Variants in CATSPERB observed in about 807,000 individuals in gnomAD.
CATSPERB encodes the protein catsper channel auxiliary subunit beta.
A neutral mutation model predicts 128.3 loss-of-function variants in CATSPERB; 93 were observed. That is an observed-to-expected ratio of 0.72 (90% confidence interval 0.61 to 0.86). CATSPERB has a LOEUF of 0.86. Ranked by LOEUF, CATSPERB falls within the 40% of genes least tolerant of loss-of-function variation. The pLI, the probability that CATSPERB is intolerant of heterozygous loss-of-function variation, is 0.00. For missense variants in CATSPERB, 1,153 were observed against 1,329.5 expected (o/e 0.87, Z 2.06); for synonymous variants, 381 against 448.8 (o/e 0.85, Z 1.91).
intron 17 of CATSPERB, among the ~76,000 whole-genome samples, chr14:91,629,743 G>A (rs1427484959): frequency 1.3e-5 from 2 of 152,108 alleles, no homozygotes; most frequent in African/African-American, 2.4e-5. Context: ...AATGGCCAAT[G>A]GTCAGGCAGC....
intron 22 of CATSPERB, among the ~76,000 whole-genome samples, chr14:91,596,396 G>A (rs995029999): frequency 1.3e-5 from 2 of 151,868 alleles, no homozygotes; most frequent in Non-Finnish European, 2.9e-5. Context: ...GTAGAGATGG[G>A]GTTTCACCTT....
intron 6 of CATSPERB, among the ~76,000 whole-genome samples, chr14:91,707,625 G>A (rs1895756549): frequency 7.8e-6 from 1 of 128,158 alleles, no homozygotes; most frequent in African/African-American, 3.1e-5. Context: ...TTGAGACACA[G>A]TCTCACTCTG....
intron 9 of CATSPERB, 72 bp downstream of exon 9, chr14:91,693,054 G>A: frequency 9.6e-7 from 1 of 1,046,158 alleles, no homozygotes; most frequent in Non-Finnish European, 1.5e-6. Flanking sequence ...CATAACTCAA[G>A]TATTAAATAT....
chr14:91,588,588 A>G (rs1228077786), intron 24 of CATSPERB, among the ~76,000 whole-genome samples: 1 of 152,208 alleles, frequency 6.6e-6, no homozygotes, highest in African/African-American at 2.4e-5. Context: ...CTAGATAGCT[A>G]GTGTAGGGGT....
In CATSPERB at chr14:91,729,463, A is replaced by G. The variant is rs372840508; in HGVS notation, c.17T>C (p.Ile6Thr). The change falls in exon 2 of 27, where the codon ATA becomes ACA. Residue 6 changes from isoleucine (I) to threonine (T), a missense_variant. Ile to Thr is a moderately conservative substitution (Grantham distance 89). Coordinates refer to ENST00000256343, the MANE Select transcript of CATSPERB (RefSeq NM_024764.4). MESPL[I>T]YVSVLLLNIF... ...GTTCAAAAGCAAAACTGAAACATATATAAGTGGCGATTCCATCTGTTGGAA... is the reference window on the plus strand; with the variant it reads ...GTTCAAAAGCAAAACTGAAACATATGTAAGTGGCGATTCCATCTGTTGGAA... 6.5e-6 allele frequency: 10 copies of G among 1,529,310 alleles called. No homozygotes were observed. The highest frequency in any genetic ancestry group is 8.1e-6 in the Non-Finnish European group (9 of 1,112,622). The allele number at this position is 1,529,310 out of a possible 1,614,324, so 94.7% of individuals were successfully genotyped here. A position where few individuals can be genotyped will look rare whatever the true frequency, so the allele number is the denominator to read the frequency against.
intron 2 of CATSPERB, among the ~76,000 whole-genome samples, chr14:91,726,738 A>C (rs1896126147): frequency 6.6e-6 from 1 of 152,238 alleles, no homozygotes; most frequent in Admixed American, 6.5e-5. Context: ...TGAAGGACTC[A>C]TTCAAGAGCC....
chr14:91,635,751 T>C (rs1258896515), intron 17 of CATSPERB: 1 of 152,228 alleles, frequency 6.6e-6, no homozygotes, highest in African/African-American at 2.4e-5. Context: ...ATTCTGTATA[T>C]TGTTCAATGC....
At chr14:91,633,867 G>A (rs61988741) in intron 17 of CATSPERB, among the ~76,000 whole-genome samples, 14,040 of 151,946 alleles carry the variant, frequency 0.092, 835 homozygotes, top group Non-Finnish European at 0.14. Flanking sequence ...GAGAGAGAGA[G>A]TGTCAGGAAC....
intron 5 of CATSPERB, among the ~76,000 whole-genome samples, chr14:91,713,268 C>T (rs1895872406): frequency 7.2e-6 from 1 of 138,530 alleles, no homozygotes; most frequent in Non-Finnish European, 1.6e-5. Context: ...CTAAAGATTC[C>T]CAACTTAACA....
At chr14:91,636,300 C>CTGCAGTGA in intron 17 of CATSPERB, 125 bp downstream of exon 17, 1 of 790,312 alleles carries the variant, frequency 1.3e-6, no homozygotes, top group Non-Finnish European at 2.1e-6. Flanking sequence ...GAGATTGAGG[C>CTGCAGTGA]TGCAGTGAGC....
chr14:91,668,571 A>C (rs186542080), intron 14 of CATSPERB, among the ~76,000 whole-genome samples: 2 of 152,196 alleles, frequency 1.3e-5, no homozygotes, highest in African/African-American at 4.8e-5. Context: ...GACCCCTTCC[A>C]TGCTGTGGAA....
intron 15 of CATSPERB, among the ~76,000 whole-genome samples, chr14:91,645,575 C>T: frequency 1.5e-5 from 2 of 129,554 alleles, no homozygotes; most frequent in Non-Finnish European, 1.7e-5. Flanking sequence ...TCTCAGATCT[C>T]CAGCTGCGTG....
chr14:91,640,920 T>C (rs1044131567), intron 15 of CATSPERB, among the ~76,000 whole-genome samples: 3 of 151,984 alleles, frequency 2.0e-5, no homozygotes, highest in Non-Finnish European at 4.4e-5. Context: ...TTTTTAATGA[T>C]TGCCATTCTA....
At chr14:91,713,541 C>A (rs1030518813) in intron 5 of CATSPERB, among the ~76,000 whole-genome samples, 1 of 152,172 alleles carries the variant, frequency 6.6e-6, no homozygotes, top group Non-Finnish European at 1.5e-5. Flanking sequence ...ATATCACAAA[C>A]AACTCCGTGT....
chr14:91,657,674 A>G (rs530023026), intron 15 of CATSPERB, among the ~76,000 whole-genome samples: 2 of 152,282 alleles, frequency 1.3e-5, no homozygotes, highest in East Asian at 3.8e-4. Flanking sequence ...ACTCAATAGG[A>G]AAAAACTAAC....
chr14:91,608,618 A>C (rs1893759580), intron 21 of CATSPERB, among the ~76,000 whole-genome samples: 2 of 112,940 alleles, frequency 1.8e-5, no homozygotes, highest in African/African-American at 7.2e-5. Flanking sequence ...TAAGTGAAAA[A>C]ACTGCCATAA....
At chr14:91,604,331 TG>T (rs1766170902) in intron 22 of CATSPERB, 2 of 763,612 alleles carry the variant, frequency 2.6e-6, no homozygotes, top group Non-Finnish European at 4.7e-6. Context: ...CTATGAGGGA[TG>T]GGAGGAGGGG....
Position 91,639,141 on chromosome 14 carries a change from A to T in CATSPERB, c.1542T>A (p.Ser514Arg). ...AATTTCCAAAGGCTGTGGGTGGTCCACTAGCTTCAAAGCGACCCAGAGTCA... is the reference window on the plus strand; with the variant it reads ...AATTTCCAAAGGCTGTGGGTGGTCCTCTAGCTTCAAAGCGACCCAGAGTCA... The part of the protein sequence containing the change: ...HKLTLGRFEA[S>R]GPPTAFGNSR... Residue 514 changes from serine (S) to arginine (R), a missense_variant, in exon 16 of 27, where the codon AGT (serine) becomes AGA (arginine). Ser to Arg is a moderately radical substitution (Grantham distance 110). Coordinates refer to ENST00000256343, the MANE Select transcript of CATSPERB (RefSeq NM_024764.4). 6.2e-7 allele frequency: 1 copy of T among 1,614,128 alleles called. No homozygotes were observed. The highest frequency in any genetic ancestry group is 8.5e-7 in the Non-Finnish European group (1 of 1,180,016).
At chr14:91,617,983 ATAGAG>A (rs1438559663) in intron 19 of CATSPERB, among the ~76,000 whole-genome samples, 5 of 152,230 alleles carry the variant, frequency 3.3e-5, no homozygotes, top group Non-Finnish European at 7.3e-5. Flanking sequence ...GGGTGAGTCC[ATAGAG>A]TAAAGTGAAA....
Sources: gnomAD v4.1 joint callset for allele counts (sites outside exome capture counted in the v4.1 genomes callset) on GRCh38, gnomAD v4.1.1 for gene constraint, MANE v1.5 for transcripts, NCBI Gene and HGNC (gene_info 2026-07-23, HGNC 2026-07-21) for gene names.